The following CNTN5 variants were observed in gnomAD, a reference collection of about 807,000 sequenced individuals.
CNTN5 encodes the protein contactin-5.
A neutral mutation model predicts 129.1 loss-of-function variants in CNTN5; 77 were observed. The ratio of observed to expected loss-of-function variants is 0.60; its 90% confidence interval spans 0.50 to 0.72. The LOEUF (loss-of-function observed/expected upper bound fraction) is 0.72. CNTN5 is among the 30% of genes least tolerant of loss of function. The pLI, the probability that CNTN5 is intolerant of heterozygous loss-of-function variation, is 0.00. For missense variants in CNTN5, 1,478 were observed against 1,328.8 expected (o/e 1.11, Z -1.75); for synonymous variants, 509 against 465.6 (o/e 1.09, Z -1.20).
chr11:99,324,841 C>G (rs994142711), intron 1 of CNTN5, among the ~76,000 whole-genome samples: 8 of 152,128 alleles, frequency 5.3e-5, no homozygotes, highest in Admixed American at 2.0e-4. Context: ...CGGGGTTTCA[C>G]CGTGTTAGCC....
intron 18 of CNTN5, among the ~76,000 whole-genome samples, chr11:100,289,329 T>C (rs1950890304): frequency 6.6e-6 from 1 of 152,090 alleles, no homozygotes; most frequent in African/African-American, 2.4e-5. Context: ...TAGACCAATA[T>C]CCTTGATGAA....
intron 9 of CNTN5, among the ~76,000 whole-genome samples, chr11:100,036,980 C>T (rs534553235): frequency 4.2e-4 from 64 of 151,050 alleles, no homozygotes; most frequent in South Asian, 3.0e-3. Context: ...TGCCTGATTG[C>T]CCTGCCCAGA....
intron 1 of CNTN5, among the ~76,000 whole-genome samples, chr11:99,167,325 T>C (rs1860919836): frequency 6.6e-6 from 1 of 152,150 alleles, no homozygotes; most frequent in Non-Finnish European, 1.5e-5. Context: ...AGATATATTT[T>C]GCATTATGTA....
intron 23 of CNTN5, 143 bp downstream of exon 23, chr11:100,341,348 C>G (rs1185015573): frequency 6.2e-6 from 4 of 641,120 alleles, no homozygotes; most frequent in Admixed American, 2.8e-5. Context: ...AGAAAGATAG[C>G]CTTCCTATAG....
chr11:99,668,153 C>G (rs1292945071), intron 3 of CNTN5, among the ~76,000 whole-genome samples: 1 of 152,060 alleles, frequency 6.6e-6, no homozygotes, highest in African/African-American at 2.4e-5. Context: ...ATTGCCACTT[C>G]AGATAAAGTT....
chr11:100,184,858 C>T (rs979994400), intron 13 of CNTN5, among the ~76,000 whole-genome samples: 6 of 152,088 alleles, frequency 3.9e-5, no homozygotes, highest in Non-Finnish European at 5.9e-5. Context: ...ACCTAAATCT[C>T]ATCTACATTG....
intron 16 of CNTN5, among the ~76,000 whole-genome samples, chr11:100,241,120 T>G (rs1386148686): frequency 6.6e-6 from 1 of 152,224 alleles, no homozygotes; most frequent in Non-Finnish European, 1.5e-5. Flanking sequence ...CATCTGTTCT[T>G]AGTGTTTATG....
intron 3 of CNTN5, among the ~76,000 whole-genome samples, chr11:99,599,738 G>A (rs1188948255): frequency 1.3e-5 from 2 of 152,016 alleles, no homozygotes; most frequent in Non-Finnish European, 2.9e-5. Context: ...GACATAATAA[G>A]AATTTATTGA....
intron 9 of CNTN5, among the ~76,000 whole-genome samples, chr11:100,046,131 C>T (rs1410977490): frequency 1.2e-5 from 1 of 81,316 alleles, no homozygotes; most frequent in Non-Finnish European, 2.3e-5. Context: ...ACTCTGGGGA[C>T]TGTTGTGGAG....
chr11:100,164,791 A>G (rs1382934740), intron 13 of CNTN5, among the ~76,000 whole-genome samples: 1 of 151,852 alleles, frequency 6.6e-6, no homozygotes, highest in Admixed American at 6.6e-5. Context: ...GAAATTAGCC[A>G]GAAGATTCTG....
At chr11:99,302,196 CA>C (rs1864673261) in intron 1 of CNTN5, among the ~76,000 whole-genome samples, 1 of 149,876 alleles carries the variant, frequency 6.7e-6, no homozygotes, top group South Asian at 2.1e-4. Flanking sequence ...TAAAAGCAAG[CA>C]AAAGGAAAAA....
chr11:99,609,951 T>C (rs1224525410), intron 3 of CNTN5, among the ~76,000 whole-genome samples: 1 of 152,154 alleles, frequency 6.6e-6, no homozygotes, highest in Admixed American at 6.5e-5. Flanking sequence ...CCAGGCACTA[T>C]GTATAGTGAT....
chr11:100,012,614 T>C (rs1940596461), intron 9 of CNTN5, among the ~76,000 whole-genome samples: 1 of 152,166 alleles, frequency 6.6e-6, no homozygotes, highest in Admixed American at 6.5e-5. Context: ...ACTGTATACA[T>C]GTGCAAGGCC....
chr11:99,045,976 T>G (rs973523306), intron 1 of CNTN5, among the ~76,000 whole-genome samples: 1 of 152,132 alleles, frequency 6.6e-6, no homozygotes, highest in Non-Finnish European at 1.5e-5. Flanking sequence ...CTACAGCCAG[T>G]AGTGGACATA....
chr11:99,962,306 C>G (rs1216531276), intron 8 of CNTN5, among the ~76,000 whole-genome samples: 1 of 134,388 alleles, frequency 7.4e-6, no homozygotes, highest in African/African-American at 2.6e-5. Flanking sequence ...TATCCCTCCC[C>G]CTCCCCCCAC....
At chr11:100,286,234 C>A in intron 18 of CNTN5, among the ~76,000 whole-genome samples, 1 of 152,218 alleles carries the variant, frequency 6.6e-6, no homozygotes, top group Non-Finnish European at 1.5e-5. Context: ...CAGGGAAGCT[C>A]CAACTGGGTG....
chr11:99,705,808 G>A (rs1478079444), intron 3 of CNTN5, among the ~76,000 whole-genome samples: 1 of 151,320 alleles, frequency 6.6e-6, no homozygotes, highest in African/African-American at 2.4e-5. Flanking sequence ...CTGTGGAGCT[G>A]GTACTGTGCT....
chr11:99,257,561 A>G (rs1862430831), intron 1 of CNTN5, among the ~76,000 whole-genome samples: 1 of 152,072 alleles, frequency 6.6e-6, no homozygotes. Flanking sequence ...TAATGAAAAA[A>G]AGGTGTAATT....
At chr11:100,072,254 C>T (rs560026201) in intron 12 of CNTN5, among the ~76,000 whole-genome samples, 3 of 152,240 alleles carry the variant, frequency 2.0e-5, no homozygotes, top group South Asian at 2.1e-4. Flanking sequence ...CTGTGTGGCT[C>T]CTGCAAAGCA....
Sources: allele counts gnomAD v4.1 joint callset (sites outside exome capture counted in the v4.1 genomes callset), GRCh38; gene constraint gnomAD v4.1.1; transcripts MANE v1.5; gene names NCBI Gene and HGNC (gene_info 2026-07-23, HGNC 2026-07-21).